RNF2: variants seen among roughly 807,000 people sequenced by gnomAD.
RNF2 encodes the protein ring finger protein 2.
RNF2 carries 6 observed loss-of-function variants against 37.2 expected under a neutral mutation model. That is an observed-to-expected ratio of 0.16 (90% CI 0.09 to 0.32). RNF2 has a LOEUF of 0.32. Ranked by LOEUF, RNF2 falls within the 10% of genes least tolerant of loss-of-function variation. RNF2 has a pLI of 1.00. For synonymous variants in RNF2, 133 were observed against 132.7 expected, an observed-to-expected ratio of 1.00 and a Z score of -0.02; for missense variants, 251 against 404.0, an observed-to-expected ratio of 0.62 and a Z score of 3.25.
At chr1:185,092,166 T>G (rs1651785023) in intron 3 of RNF2, among the ~76,000 whole-genome samples, 1 of 150,680 alleles carries the variant, frequency 6.6e-6, no homozygotes, top group South Asian at 2.1e-4. Context: ...TTTTTCTTCT[T>G]TCCCCTTTCC....
In RNF2 at chr1:185,076,268, G is replaced by GTTTTTTTTTTTTTTTTTTTTTTTTTTTTT. The variant is rs71101959; in HGVS notation, c.-2-11272_-2-11244dup. 4.4e-4 allele frequency among the ~76,000 whole-genome samples: 12 copies of GTTTTTTTTTTTTTTTTTTTTTTTTTTTTT among 27,348 alleles called. 5 individuals are homozygous for GTTTTTTTTTTTTTTTTTTTTTTTTTTTTT. The highest frequency in any genetic ancestry group is 6.8e-4 in the Non-Finnish European group (9 of 13,184). 17.9% of individuals were successfully genotyped at this position (27,348 alleles called of 152,430 possible). A position where few individuals can be genotyped will look rare whatever the true frequency, so the allele number is the denominator to read the frequency against. ...TTTTCTTCTAGATCTTTTATGGGTT[G>GTTTTTTTTTTTTTTTTTTTTTTTTTTTTT]TTTTTTTTTTTTTTTTTTTTTTTTT... On this transcript the variant is annotated intron_variant, in intron 1 of 6. Transcript: ENST00000367510.
intron 1 of RNF2, among the ~76,000 whole-genome samples, chr1:185,057,877 A>G (rs1650481628): frequency 1.3e-5 from 2 of 152,032 alleles, no homozygotes; most frequent in South Asian, 2.1e-4. Flanking sequence ...GCTCATGCCT[A>G]TAATCCCAGC....
In RNF2 at chr1:185,093,294, T is replaced by G. The variant is rs749688373; in HGVS notation, c.464+18T>G. 2 of 1,604,568 alleles carry G rather than the reference T, an allele frequency of 1.2e-6. No homozygotes were observed. Among genetic ancestry groups the G allele is most frequent in the Non-Finnish European group, 1.7e-6 (2 of 1,172,252 alleles). On this transcript the variant is annotated intron_variant, in intron 4 of 6. Coordinates refer to ENST00000367510, the MANE Select transcript of RNF2 (RefSeq NM_007212.4). Reference sequence around the variant, plus strand: ...ATGAACAGGTATATGGGAAAGAGGGTCAGAGAGGGTAGCTGTTTTTCTGAA... The same window carrying G: ...ATGAACAGGTATATGGGAAAGAGGGGCAGAGAGGGTAGCTGTTTTTCTGAA...
intron 1 of RNF2, among the ~76,000 whole-genome samples, chr1:185,083,034 C>T (rs1389602230): frequency 6.6e-6 from 1 of 152,168 alleles, no homozygotes; most frequent in Admixed American, 6.5e-5. Context: ...ACATGGTTCA[C>T]CTCAAATTCA....
At chr1:185,075,345 T>C (rs1254230591) in intron 1 of RNF2, among the ~76,000 whole-genome samples, 1 of 152,192 alleles carries the variant, frequency 6.6e-6, no homozygotes, top group Non-Finnish European at 1.5e-5. Context: ...ATAGCTTGAT[T>C]CAACCATTTT....
rs532687223 is a variant in RNF2, at chr1:185,057,816, A to C, written c.-3+12167A>C. On this transcript the variant is annotated intron_variant, in intron 1 of 6. Coordinates refer to ENST00000367510, the MANE Select transcript of RNF2 (RefSeq NM_007212.4). ...ATTACTCTAAAGGGGAAAAAAAAAA[A>C]AAACAGTAAAACAGTTCAAAAATAA... is the stretch of plus-strand genomic sequence containing the variant. Among the ~76,000 whole-genome samples, 36 of 152,158 alleles carry C rather than the reference A, an allele frequency of 2.4e-4. 1 individual carries two copies. The highest frequency in any genetic ancestry group is 2.1e-3 in the South Asian group (10 of 4,826).
In RNF2 at chr1:185,045,630, C is replaced by G. The variant is rs888720845; in HGVS notation, c.-22C>G. 2.6e-5 allele frequency: 4 copies of G among 152,348 alleles called. No homozygotes were observed. The highest frequency in any genetic ancestry group is 4.4e-5 in the Non-Finnish European group (3 of 68,218). The allele number at this position is 152,348 out of a possible 1,614,324, so 9.4% of individuals were successfully genotyped here. The stretch of plus-strand genomic sequence containing the variant: ...TGCTCCGGCCGCGGCCAGCGGAGCC[C>G]TGGGCTGGGGCAGGAGCCGGTGAGT... On this transcript the variant is annotated 5_prime_UTR_variant, in exon 1 of 7. Coordinates refer to ENST00000367510, the MANE Select transcript of RNF2 (RefSeq NM_007212.4).
intron 1 of RNF2, among the ~76,000 whole-genome samples, chr1:185,059,058 C>T (rs1316033089): frequency 6.6e-6 from 1 of 152,108 alleles, no homozygotes; most frequent in African/African-American, 2.4e-5. Context: ...TTTCTTTCAG[C>T]CTTTGAAACC....
chr1:185,076,777 G>C (rs1219371246), intron 1 of RNF2, among the ~76,000 whole-genome samples: 3 of 150,978 alleles, frequency 2.0e-5, no homozygotes, highest in Non-Finnish European at 4.4e-5. Context: ...TCTTTTTCTT[G>C]AGATCATAGT....
intron 1 of RNF2, among the ~76,000 whole-genome samples, chr1:185,069,469 A>C (rs546690037): frequency 2.6e-4 from 39 of 151,616 alleles, no homozygotes; most frequent in African/African-American, 8.8e-4. Flanking sequence ...AAAAAAAAAA[A>C]AAAAAAGAAA....
At chr1:185,065,879 CT>C (rs1299940252) in intron 1 of RNF2, among the ~76,000 whole-genome samples, 1 of 152,006 alleles carries the variant, frequency 6.6e-6, no homozygotes, top group African/African-American at 2.4e-5. Context: ...TTTTTCCCCC[CT>C]ACTTGCTCTA....
chr1:185,060,845 A>G (rs568546309), intron 1 of RNF2, among the ~76,000 whole-genome samples: 58 of 152,320 alleles, frequency 3.8e-4, no homozygotes, highest in African/African-American at 1.3e-3. Context: ...CAGGCTGGGC[A>G]AGGTGGCCCA....
At chr1:185,082,035 C>T (rs2102187067) in intron 1 of RNF2, among the ~76,000 whole-genome samples, 2 of 152,250 alleles carry the variant, frequency 1.3e-5, no homozygotes, top group Admixed American at 1.3e-4. Context: ...CAAATAAAAT[C>T]CACTTTCGTG....
chr1:185,051,404 T>C (rs1409413029), intron 1 of RNF2, among the ~76,000 whole-genome samples: 1 of 152,182 alleles, frequency 6.6e-6, no homozygotes, highest in Admixed American at 6.5e-5. Context: ...TCTTTTCTTT[T>C]GTTAAAAAAA....
At chr1:185,077,625 GTT>G (rs528747420) in intron 1 of RNF2, among the ~76,000 whole-genome samples, 2 of 115,682 alleles carry the variant, frequency 1.7e-5, no homozygotes, top group Non-Finnish European at 3.6e-5. Context: ...AATTAACTTT[GTT>G]TTTTTTTTTT....
chr1:185,063,860 C>CTTCA (rs1341387204), intron 1 of RNF2, among the ~76,000 whole-genome samples: 5 of 152,334 alleles, frequency 3.3e-5, no homozygotes, highest in African/African-American at 9.6e-5. Flanking sequence ...CCCTGGCCTA[C>CTTCA]TTCATCACAG....
In RNF2 at chr1:185,096,806, G is replaced by A. The variant is rs576734302; in HGVS notation, c.465-1266G>A. On this transcript the variant is annotated intron_variant, in intron 4 of 6. Transcript: ENST00000367510. ...ATACTAGTCATACTCTCTTGGTTTTGCAATGATCTATGAATTTTATAAGCA... is the reference window on the plus strand; with the variant it reads ...ATACTAGTCATACTCTCTTGGTTTTACAATGATCTATGAATTTTATAAGCA... Among the ~76,000 whole-genome samples the A allele has an allele frequency of 1.7e-3, 251 of 146,100 alleles. 2 individuals are homozygous for A. Among genetic ancestry groups the A allele is most frequent in the African/African-American group, 6.0e-3 (239 of 39,792 alleles).
intron 4 of RNF2, among the ~76,000 whole-genome samples, chr1:185,097,521 A>G (rs1240641147): frequency 6.6e-6 from 1 of 152,236 alleles, no homozygotes; most frequent in Non-Finnish European, 1.5e-5. Flanking sequence ...TAATTCTTAT[A>G]GTCTTTTGTT....
At chr1:185,054,326 TCACATACATAACCGG>T (rs1389865115) in intron 1 of RNF2, among the ~76,000 whole-genome samples, 2 of 152,112 alleles carry the variant, frequency 1.3e-5, no homozygotes, top group East Asian at 3.9e-4. Flanking sequence ...TCAGAACTGT[TCACATACATAACCGG>T]CAAGTGGCAG....
Sources: allele counts gnomAD v4.1 joint callset (sites outside exome capture counted in the v4.1 genomes callset), GRCh38; gene constraint gnomAD v4.1.1; transcripts MANE v1.5; gene names NCBI Gene and HGNC (gene_info 2026-07-23, HGNC 2026-07-21).